The following MEIS2 variants were observed in gnomAD, a reference collection of about 807,000 sequenced individuals.
MEIS2 encodes the protein Meis homeobox 2, also known as homeobox protein Meis2.
A neutral mutation model predicts 58.6 loss-of-function variants in MEIS2; 9 were observed. The ratio of observed to expected loss-of-function variants is 0.15; its 90% confidence interval spans 0.09 to 0.27. The LOEUF (loss-of-function observed/expected upper bound fraction) is 0.27. MEIS2 is among the 10% of genes least tolerant of loss of function. MEIS2 has a pLI of 1.00. For synonymous variants in MEIS2, 221 were observed against 228.4 expected (o/e 0.97, Z 0.29); for missense variants, 427 against 635.0 (o/e 0.67, Z 3.52).
intron 7 of MEIS2, among the ~76,000 whole-genome samples, chr15:37,054,619 A>G (rs926345150): frequency 2.6e-5 from 4 of 152,010 alleles, no homozygotes; most frequent in African/African-American, 9.7e-5. Context: ...GCGTCTCCCT[A>G]TATTGCCCAG....
At chr15:37,063,306 C>G (rs1480073414) in intron 7 of MEIS2, among the ~76,000 whole-genome samples, 1 of 152,186 alleles carries the variant, frequency 6.6e-6, no homozygotes, top group Non-Finnish European at 1.5e-5. Context: ...GATGGGATTA[C>G]TGGCGTGCAC....
intron 9 of MEIS2, among the ~76,000 whole-genome samples, chr15:36,925,603 C>T (rs1338182494): frequency 6.6e-6 from 1 of 152,204 alleles, no homozygotes; most frequent in East Asian, 1.9e-4. Context: ...CAGTAATCCT[C>T]TGCTATACTT....
At chr15:37,093,414 G>A (rs1010911960) in intron 6 of MEIS2, among the ~76,000 whole-genome samples, 167 bp downstream of exon 6, 3 of 152,184 alleles carry the variant, frequency 2.0e-5, no homozygotes, top group Non-Finnish European at 4.4e-5. Flanking sequence ...AAGGAGAAAT[G>A]AAAATGAAGG....
chr15:36,942,045 A>G (rs371949133), intron 9 of MEIS2, among the ~76,000 whole-genome samples: 3 of 152,206 alleles, frequency 2.0e-5, no homozygotes, highest in South Asian at 4.1e-4. Flanking sequence ...CTAGAGACAC[A>G]GGGAAATCTC....
intron 9 of MEIS2, among the ~76,000 whole-genome samples, chr15:36,935,585 G>T (rs971045561): frequency 6.6e-6 from 1 of 152,066 alleles, no homozygotes; most frequent in African/African-American, 2.4e-5. Context: ...ATAAAGTTAC[G>T]TAGAAAAGAA....
chr15:37,070,750 T>C (rs2141872346), intron 7 of MEIS2, among the ~76,000 whole-genome samples: 1 of 152,196 alleles, frequency 6.6e-6, no homozygotes, highest in East Asian at 1.9e-4. Context: ...TAAAAAAATT[T>C]ATAAAAATGT....
intron 9 of MEIS2, among the ~76,000 whole-genome samples, chr15:36,899,963 A>C (rs2056384415): frequency 1.3e-5 from 2 of 152,182 alleles, no homozygotes; most frequent in South Asian, 2.1e-4. Flanking sequence ...AACTAACCAA[A>C]ATGCAGCAAG....
chr15:37,082,940 A>T (rs1225780361), intron 7 of MEIS2, among the ~76,000 whole-genome samples: 1 of 152,158 alleles, frequency 6.6e-6, no homozygotes, highest in Non-Finnish European at 1.5e-5. Flanking sequence ...CACAGTCATA[A>T]TAGAGATGAA....
At chr15:36,895,334 C>T in intron 10 of MEIS2, 73 bp from the exon 11 acceptor site, 2 of 1,300,498 alleles carry the variant, frequency 1.5e-6, no homozygotes, top group Non-Finnish European at 2.2e-6. Context: ...ATTGTTCCCG[C>T]TGCAGCACTG....
At chr15:37,024,730 G>C (rs1255796002) in intron 8 of MEIS2, among the ~76,000 whole-genome samples, 1 of 152,182 alleles carries the variant, frequency 6.6e-6, no homozygotes, top group Non-Finnish European at 1.5e-5. Flanking sequence ...ACCAGACTTT[G>C]CCTTCCTTGG....
At chr15:36,892,977 C>G (rs897874648) in intron 11 of MEIS2, among the ~76,000 whole-genome samples, 1 of 152,076 alleles carries the variant, frequency 6.6e-6, no homozygotes, top group African/African-American at 2.4e-5. Flanking sequence ...TAAAATGAAG[C>G]CCCCTTTTTG....
At chr15:37,027,449 C>T (rs1001041089) in intron 8 of MEIS2, among the ~76,000 whole-genome samples, 15 of 152,068 alleles carry the variant, frequency 9.9e-5, no homozygotes, top group African/African-American at 1.7e-4. Flanking sequence ...TCATGTGGAA[C>T]GAAGAAATGG....
chr15:36,990,603 A>G (rs2141550353), intron 8 of MEIS2, among the ~76,000 whole-genome samples: 1 of 151,126 alleles, frequency 6.6e-6, no homozygotes, highest in African/African-American at 2.4e-5. Flanking sequence ...AGAAGGCACT[A>G]AGTATATACA....
At chr15:37,058,316 T>C (rs549472733) in intron 7 of MEIS2, among the ~76,000 whole-genome samples, 1 of 152,334 alleles carries the variant, frequency 6.6e-6, no homozygotes, top group African/African-American at 2.4e-5. Flanking sequence ...TTTTTCACTC[T>C]ATTACACAGG....
At chr15:36,929,242 A>G (rs1433470518) in intron 9 of MEIS2, among the ~76,000 whole-genome samples, 2 of 152,196 alleles carry the variant, frequency 1.3e-5, no homozygotes, top group Non-Finnish European at 2.9e-5. Context: ...TCAACAGCTG[A>G]ATTTCACTGT....
At chr15:37,021,124 G>A (rs2141674175) in intron 8 of MEIS2, among the ~76,000 whole-genome samples, 1 of 152,240 alleles carries the variant, frequency 6.6e-6, no homozygotes, top group Non-Finnish European at 1.5e-5. Flanking sequence ...AAGCCACCCA[G>A]GCTATGGTAT....
chr15:36,982,155 T>A (rs1421015662), intron 8 of MEIS2, among the ~76,000 whole-genome samples: 1 of 152,160 alleles, frequency 6.6e-6, no homozygotes, highest in Non-Finnish European at 1.5e-5. Context: ...TATATATCTC[T>A]CTATATCCTA....
rs1178840965 is a variant in MEIS2, at chr15:36,890,140, T to G, written c.*2033A>C. ...TTGCAGAGATGATGAATAATTTCCT[T>G]AGCCGGTTGACATCACATATCTAGC... On this transcript the variant is annotated 3_prime_UTR_variant, in exon 12 of 12. Transcript: ENST00000561208. 6.6e-5 allele frequency: 10 copies of G among 152,212 alleles called. No individual in the cohort carries two copies. Among genetic ancestry groups the G allele is most frequent in the Admixed American group, 6.5e-4 (10 of 15,284 alleles). The allele number at this position is 152,212 out of a possible 1,614,324, so 9.4% of individuals were successfully genotyped here.
chr15:37,078,752 C>A (rs1378184493), intron 7 of MEIS2, among the ~76,000 whole-genome samples: 1 of 151,436 alleles, frequency 6.6e-6, no homozygotes, highest in Non-Finnish European at 1.5e-5. Flanking sequence ...CAGCAGGGAA[C>A]GTGGCTGGTT....
Sources: gnomAD v4.1 joint callset for allele counts (sites outside exome capture counted in the v4.1 genomes callset) on GRCh38, gnomAD v4.1.1 for gene constraint, MANE v1.5 for transcripts, NCBI Gene and HGNC (gene_info 2026-07-23, HGNC 2026-07-21) for gene names.